Variants in MEIKIN observed in about 807,000 individuals in gnomAD.
The protein encoded by MEIKIN is meiosis-specific kinetochore protein.
intron 6 of MEIKIN, among the ~76,000 whole-genome samples, chr5:131,921,051 G>A (rs953318384): frequency 6.6e-5 from 10 of 151,842 alleles, no homozygotes; most frequent in Admixed American, 5.9e-4. Flanking sequence ...CCCAACTAAG[G>A]GACATTCTAC....
At chr5:131,852,240 G>C (rs1364181368) in intron 10 of MEIKIN, among the ~76,000 whole-genome samples, 3 of 152,044 alleles carry the variant, frequency 2.0e-5, no homozygotes, top group African/African-American at 7.2e-5. Context: ...CTGTTCTGAT[G>C]ATAGTGAGTG....
chr5:131,883,670 A>G (rs1750732615), intron 8 of MEIKIN, among the ~76,000 whole-genome samples: 1 of 152,238 alleles, frequency 6.6e-6, no homozygotes, highest in African/African-American at 2.4e-5. Context: ...ACAACTATCT[A>G]CATACAAAAA....
chr5:131,828,309 C>T (rs1170906617), intron 11 of MEIKIN, among the ~76,000 whole-genome samples: 2 of 152,056 alleles, frequency 1.3e-5, no homozygotes, highest in Non-Finnish European at 2.9e-5. Context: ...ACTATAGGCA[C>T]ACACCATCAT....
chr5:131,899,193 T>A (rs74800161), intron 8 of MEIKIN, among the ~76,000 whole-genome samples: 1 of 152,158 alleles, frequency 6.6e-6, no homozygotes. Context: ...AGTGGGGAGA[T>A]GAAGCTAAGA....
chr5:131,847,203 C>T (rs926834226), intron 11 of MEIKIN, among the ~76,000 whole-genome samples: 1 of 152,060 alleles, frequency 6.6e-6, no homozygotes, highest in Admixed American at 6.5e-5. Flanking sequence ...TAAGTCTGTC[C>T]TTATCAGTAA....
At chr5:131,857,419 T>G (rs1750214023) in intron 9 of MEIKIN, among the ~76,000 whole-genome samples, 1 of 152,160 alleles carries the variant, frequency 6.6e-6, no homozygotes. Context: ...CTCTTCTAGG[T>G]GGCTTTAGCT....
intron 4 of MEIKIN, among the ~76,000 whole-genome samples, chr5:131,936,912 C>A (rs986969771): frequency 6.6e-6 from 1 of 152,118 alleles, no homozygotes; most frequent in African/African-American, 2.4e-5. Context: ...CCTCTCAATA[C>A]TTTTAAAAAC....
At chr5:131,852,304 C>T (rs886111678) in intron 10 of MEIKIN, among the ~76,000 whole-genome samples, 6 of 152,096 alleles carry the variant, frequency 3.9e-5, no homozygotes, top group Non-Finnish European at 8.8e-5. Context: ...CTCTTCCATG[C>T]TCTCTCCTCT....
chr5:131,861,744 G>A (rs775773921), intron 9 of MEIKIN, among the ~76,000 whole-genome samples: 4 of 152,170 alleles, frequency 2.6e-5, no homozygotes, highest in Non-Finnish European at 2.9e-5. Flanking sequence ...TTAATGTGAT[G>A]TATCAAATTT....
At chr5:131,840,944 T>C (rs1309331509) in intron 11 of MEIKIN, among the ~76,000 whole-genome samples, 2 of 152,224 alleles carry the variant, frequency 1.3e-5, no homozygotes, top group African/African-American at 4.8e-5. Flanking sequence ...ATACATCAGT[T>C]TTCATGCGCT....
intron 12 of MEIKIN, 61 bp from the exon 13 acceptor site, chr5:131,807,319 A>G: frequency 2.5e-6 from 1 of 398,058 alleles, no homozygotes; most frequent in East Asian, 3.6e-5. Flanking sequence ...AATACTTACT[A>G]ATAACCAGTC....
chr5:131,832,177 C>T (rs1358381868), intron 11 of MEIKIN, among the ~76,000 whole-genome samples: 1 of 152,172 alleles, frequency 6.6e-6, no homozygotes, highest in Non-Finnish European at 1.5e-5. Flanking sequence ...AAACTAGTTA[C>T]TTCCTAGATA....
chr5:131,829,259 A>G (rs1749671993), intron 11 of MEIKIN, among the ~76,000 whole-genome samples: 1 of 152,266 alleles, frequency 6.6e-6, no homozygotes, highest in African/African-American at 2.4e-5. Context: ...TCAAATATGA[A>G]GATGAAATAA....
chr5:131,815,695 C>T (rs994053697), intron 12 of MEIKIN, among the ~76,000 whole-genome samples: 1 of 152,210 alleles, frequency 6.6e-6, no homozygotes, highest in Non-Finnish European at 1.5e-5. Flanking sequence ...AAGAATATGT[C>T]TGGAACACAG....
intron 11 of MEIKIN, among the ~76,000 whole-genome samples, chr5:131,847,243 C>T (rs989690026): frequency 6.6e-6 from 1 of 151,884 alleles, no homozygotes; most frequent in Non-Finnish European, 1.5e-5. Context: ...TAAATTCTCC[C>T]ATAGAAAAAC....
At chr5:131,812,942 C>T (rs987060923) in intron 12 of MEIKIN, among the ~76,000 whole-genome samples, 3 of 152,238 alleles carry the variant, frequency 2.0e-5, no homozygotes, top group African/African-American at 7.2e-5. Flanking sequence ...AGCACTTAAT[C>T]ATAGGCCATC....
chr5:131,877,364 A>C (rs1329412184), intron 9 of MEIKIN, among the ~76,000 whole-genome samples: 3 of 152,154 alleles, frequency 2.0e-5, no homozygotes, highest in Non-Finnish European at 4.4e-5. Flanking sequence ...TCCAGATTCC[A>C]GCTGGGCATG....
intron 8 of MEIKIN, among the ~76,000 whole-genome samples, chr5:131,890,244 T>C (rs1750885286): frequency 6.6e-6 from 1 of 152,236 alleles, no homozygotes; most frequent in South Asian, 2.1e-4. Flanking sequence ...TCCCTCTTTT[T>C]CTATTGAATG....
intron 4 of MEIKIN, among the ~76,000 whole-genome samples, chr5:131,941,916 T>C (rs1248174584): frequency 6.6e-6 from 1 of 152,252 alleles, no homozygotes; most frequent in East Asian, 1.9e-4. Flanking sequence ...TTACCTAAAA[T>C]AGCCATCACA....
Sources: allele counts gnomAD v4.1 joint callset (sites outside exome capture counted in the v4.1 genomes callset), GRCh38; gene constraint gnomAD v4.1.1; transcripts MANE v1.5; gene names NCBI Gene and HGNC (gene_info 2026-07-23, HGNC 2026-07-21).